The following FGF12 variants were observed in gnomAD, a reference collection of about 807,000 sequenced individuals.
FGF12 encodes fibroblast growth factor 12B.
FGF12 carries 14 observed loss-of-function variants against 23.6 expected under a neutral mutation model. That is an observed-to-expected ratio of 0.59 (90% CI 0.39 to 0.93). The LOEUF (loss-of-function observed/expected upper bound fraction) is 0.93. Among genes scored for constraint, FGF12 ranks in the 40% least tolerant of loss-of-function variants. FGF12 has a pLI of 0.00. For missense variants in FGF12, 175 were observed against 217.8 expected (o/e 0.80, Z 1.24); for synonymous variants, 62 against 77.3 (o/e 0.80, Z 1.04).
intron 4 of FGF12, among the ~76,000 whole-genome samples, chr3:192,303,452 C>T (rs536769857): frequency 6.6e-6 from 1 of 152,148 alleles, no homozygotes; most frequent in Admixed American, 6.5e-5. Flanking sequence ...CAATCAAAAG[C>T]CAGCAGCAGT....
chr3:192,604,465 C>G (rs1714254665), intron 2 of FGF12, among the ~76,000 whole-genome samples: 3 of 152,164 alleles, frequency 2.0e-5, no homozygotes, highest in Admixed American at 1.3e-4. Context: ...CGTTCAGGGT[C>G]CCTGACTTCC....
intron 4 of FGF12, among the ~76,000 whole-genome samples, chr3:192,276,274 A>G (rs1411730930): frequency 1.3e-5 from 2 of 152,174 alleles, no homozygotes; most frequent in Non-Finnish European, 2.9e-5. Context: ...GAGGAAATGC[A>G]TGGGTAAAAT....
At chr3:192,381,773 G>A (rs3108303) in intron 2 of FGF12, among the ~76,000 whole-genome samples, 65,441 of 151,940 alleles carry the variant, frequency 0.43, 14,300 homozygotes, top group East Asian at 0.46. Flanking sequence ...AGTCAGAAAC[G>A]ACTTTTTGGT....
chr3:192,521,582 A>G (rs1724813834), intron 2 of FGF12, among the ~76,000 whole-genome samples: 1 of 152,144 alleles, frequency 6.6e-6, no homozygotes, highest in Non-Finnish European at 1.5e-5. Context: ...ACAATACAAA[A>G]TGGGTGTTTC....
chr3:192,694,560 T>C (rs1456043193), intron 2 of FGF12, among the ~76,000 whole-genome samples: 1 of 151,940 alleles, frequency 6.6e-6, no homozygotes, highest in Non-Finnish European at 1.5e-5. Flanking sequence ...TGTGTACATA[T>C]ATACACATAC....
chr3:192,603,230 T>A (rs1241031141), intron 2 of FGF12, among the ~76,000 whole-genome samples: 2 of 152,010 alleles, frequency 1.3e-5, no homozygotes, highest in African/African-American at 4.8e-5. Flanking sequence ...AATAGGAAAA[T>A]AAGAAGTTAA....
chr3:192,299,103 T>C lies in FGF12; in HGVS notation c.228+36258A>G, dbSNP rs928199785. Among the ~76,000 whole-genome samples, 3 of 152,132 alleles carry C rather than the reference T, an allele frequency of 2.0e-5. 1 individual carries two copies. The highest frequency in any genetic ancestry group is 7.2e-5 in the African/African-American group (3 of 41,420). ...ACACCTGATTTGAAGGGGACAAATA[T>C]CCAATCAATATCAGTGAGGATTCAA... On this transcript the variant is annotated intron_variant, in intron 4 of 5. Transcript: ENST00000445105.
chr3:192,300,632 T>TA (rs58697201), intron 4 of FGF12, among the ~76,000 whole-genome samples: 11,952 of 151,936 alleles, frequency 0.079, 849 homozygotes, highest in African/African-American at 0.19. Flanking sequence ...ATGTATTTTT[T>TA]TATATATAAA....
chr3:192,155,646 G>C (rs1231512654), intron 5 of FGF12, among the ~76,000 whole-genome samples: 4 of 152,170 alleles, frequency 2.6e-5, no homozygotes, highest in African/African-American at 9.7e-5. Flanking sequence ...CATAGAAAAT[G>C]GGAATCACAT....
chr3:192,453,507 A>G (rs1414201815), intron 2 of FGF12, among the ~76,000 whole-genome samples: 1 of 152,190 alleles, frequency 6.6e-6, no homozygotes, highest in African/African-American at 2.4e-5. Context: ...ATCTGATTCT[A>G]TCTAATATCT....
intron 2 of FGF12, among the ~76,000 whole-genome samples, chr3:192,548,109 A>C (rs1373715810): frequency 6.6e-6 from 1 of 152,196 alleles, no homozygotes; most frequent in Admixed American, 6.5e-5. Flanking sequence ...ACTTCTAAGT[A>C]AATTTGAATA....
chr3:192,441,422 G>A lies in FGF12; in HGVS notation c.14-80884C>T, dbSNP rs1405084318. On this transcript the variant is annotated intron_variant, in intron 2 of 5. Coordinates refer to ENST00000445105, the MANE Select transcript of FGF12 (RefSeq NM_004113.6). ...TCAGCCACTGACTCTCTGATCTGGG[G>A]TCAGCCTCTTCTCCTTCTGTGCCTC... Among the ~76,000 whole-genome samples, 3 of 152,250 alleles carry A rather than the reference G, an allele frequency of 2.0e-5. No individual in the cohort carries two copies. In the East Asian group the frequency reaches 5.8e-4, roughly 29 times the overall value.
At chr3:192,280,661 T>C (rs916558325) in intron 4 of FGF12, among the ~76,000 whole-genome samples, 1 of 152,066 alleles carries the variant, frequency 6.6e-6, no homozygotes, top group African/African-American at 2.4e-5. Flanking sequence ...GGAACTATCA[T>C]CCTCATTTGA....
intron 2 of FGF12, among the ~76,000 whole-genome samples, chr3:192,393,918 G>A (rs978604316): frequency 6.6e-6 from 1 of 152,052 alleles, no homozygotes; most frequent in African/African-American, 2.4e-5. Flanking sequence ...ATATCTAAAA[G>A]GTATATCCCA....
intron 4 of FGF12, among the ~76,000 whole-genome samples, chr3:192,197,810 G>C (rs752228814): frequency 6.6e-6 from 1 of 152,068 alleles, no homozygotes; most frequent in Non-Finnish European, 1.5e-5. Flanking sequence ...GCCGGGCGTG[G>C]TGGTACATGC....
At chr3:192,206,605 T>C (rs1328339406) in intron 4 of FGF12, among the ~76,000 whole-genome samples, 2 of 152,230 alleles carry the variant, frequency 1.3e-5, no homozygotes, top group Non-Finnish European at 2.9e-5. Flanking sequence ...AGTAAATGAA[T>C]ATTTCTAAAC....
At position 192,408,991 on chromosome 3, in the gene FGF12, C is replaced by G; in HGVS notation, c.14-48453G>C. ...CGGTTACCCGGAGTCTGGGTAGGGG[C>G]GCGGGGCGGGGGCAGCTGTTTCCAG... is the stretch of plus-strand genomic sequence containing the variant. On this transcript the variant is annotated intron_variant, in intron 2 of 5. Coordinates refer to ENST00000445105, the MANE Select transcript of FGF12 (RefSeq NM_004113.6). This position sits in a 1 kb window ranked among gnomAD's most constrained non-coding sequence, Gnocchi z 7.3. 1 of 978,132 alleles carries G rather than the reference C, an allele frequency of 1.0e-6. No homozygotes were observed. The highest frequency in any genetic ancestry group is 1.2e-6 in the Non-Finnish European group (1 of 827,722). The allele number at this position is 978,132 out of a possible 1,614,324, so 60.6% of individuals were successfully genotyped here. A position where few individuals can be genotyped will look rare whatever the true frequency, so the allele number is the denominator to read the frequency against.
intron 2 of FGF12, among the ~76,000 whole-genome samples, chr3:192,559,339 T>C (rs1711917146): frequency 6.6e-6 from 1 of 151,864 alleles, no homozygotes; most frequent in Non-Finnish European, 1.5e-5. Flanking sequence ...ATATAAATGG[T>C]CAATAGGTGT....
intron 2 of FGF12, among the ~76,000 whole-genome samples, chr3:192,641,465 T>C (rs6806969): frequency 0.55 from 78,522 of 143,458 alleles, 21,772 homozygotes; most frequent in East Asian, 0.68. Context: ...AGTGCAATGG[T>C]GCAATCTCGG....
Sources: allele counts gnomAD v4.1 joint callset (sites outside exome capture counted in the v4.1 genomes callset), GRCh38; gene constraint gnomAD v4.1.1; non-coding constraint Gnocchi (gnomAD v3.1); transcripts MANE v1.5; gene names NCBI Gene and HGNC (gene_info 2026-07-23, HGNC 2026-07-21).